The following NDST3 variants were observed in gnomAD, a reference collection of about 807,000 sequenced individuals.
NDST3 encodes the protein N-deacetylase and N-sulfotransferase 3.
Under a neutral mutation model 96.1 loss-of-function variants are expected in NDST3, and 58 were observed. The ratio of observed to expected loss-of-function variants is 0.60; its 90% CI spans 0.49 to 0.75. The LOEUF is 0.75. Among genes scored for constraint, NDST3 ranks in the 30% least tolerant of loss-of-function variants. The pLI is 0.00. For missense variants in NDST3, 788 were observed against 1,034.2 expected (o/e 0.76, Z 3.27); for synonymous variants, 333 against 359.7 (o/e 0.93, Z 0.84).
intron 2 of NDST3, among the ~76,000 whole-genome samples, chr4:118,099,494 G>C (rs956144942): frequency 3.3e-5 from 5 of 152,078 alleles, no homozygotes; most frequent in African/African-American, 1.2e-4. Flanking sequence ...TTCACATTTA[G>C]AATATGGGCA....
Position 118,234,244 on chromosome 4 carries a change from T to C in NDST3, c.1943+1109T>C, listed in dbSNP as rs985558362. ...CTGGGCAACATAGCAAGACCCCATC[T>C]CTAACAAAAATACAAGAATTAGCCA... On this transcript the variant is annotated intron_variant, in intron 9 of 13. Transcript: ENST00000296499. 3.9e-5 allele frequency among the ~76,000 whole-genome samples: 6 copies of C among 152,070 alleles called. No homozygotes were observed. In the East Asian group the frequency reaches 1.2e-3, roughly 29 times the overall value.
intron 3 of NDST3, among the ~76,000 whole-genome samples, chr4:118,109,123 T>A (rs1730438588): frequency 6.6e-6 from 1 of 152,208 alleles, no homozygotes; most frequent in African/African-American, 2.4e-5. Flanking sequence ...ACTTTCACAA[T>A]GGAGAGCTCC....
intron 6 of NDST3, among the ~76,000 whole-genome samples, chr4:118,215,878 T>C (rs889253407): frequency 6.6e-6 from 1 of 151,838 alleles, no homozygotes; most frequent in Non-Finnish European, 1.5e-5. Context: ...TTAGGGAAAG[T>C]AGGGAGAGTG....
At chr4:118,228,341 C>CTGA (rs1346735794) in intron 8 of NDST3, among the ~76,000 whole-genome samples, 1 of 152,190 alleles carries the variant, frequency 6.6e-6, no homozygotes, top group Non-Finnish European at 1.5e-5. Flanking sequence ...CTTGTCAAGA[C>CTGA]TGATAACATC....
chr4:118,192,084 C>A (rs1238230580), intron 6 of NDST3, among the ~76,000 whole-genome samples: 3 of 152,166 alleles, frequency 2.0e-5, no homozygotes, highest in Non-Finnish European at 4.4e-5. Flanking sequence ...TCTATACCTT[C>A]CTTTGAGAAA....
chr4:118,082,208 T>C (rs1728080916), intron 2 of NDST3, among the ~76,000 whole-genome samples: 1 of 152,140 alleles, frequency 6.6e-6, no homozygotes, highest in Non-Finnish European at 1.5e-5. Flanking sequence ...CTAAATTAAC[T>C]GTATCTTTTG....
chr4:118,203,261 G>T (rs1165794622), intron 6 of NDST3, among the ~76,000 whole-genome samples: 3 of 152,056 alleles, frequency 2.0e-5, no homozygotes, highest in Non-Finnish European at 4.4e-5. Flanking sequence ...GAGAGATATT[G>T]GTCTAAAGTT....
chr4:118,254,520 T>C (rs1741990888), intron 13 of NDST3, among the ~76,000 whole-genome samples: 1 of 152,154 alleles, frequency 6.6e-6, no homozygotes, highest in African/African-American at 2.4e-5. Context: ...CACTTAATGC[T>C]ACAGTTTTCT....
chr4:118,237,072 C>A lies in NDST3; in HGVS notation c.1970C>A (p.Ser657Tyr). ...DWYMDFFPVPSNVTTDFLFEK... is the reference protein window; with the variant it reads ...DWYMDFFPVPYNVTTDFLFEK... Reference sequence around the variant, plus strand: ...TATATGGATTTCTTCCCAGTCCCATCTAATGTCACTACCGACTTTTTGTTT... The same window carrying A: ...TATATGGATTTCTTCCCAGTCCCATATAATGTCACTACCGACTTTTTGTTT... Residue 657 changes from serine to tyrosine, a missense_variant, in exon 10 of 14, where the codon TCT (serine) becomes TAT (tyrosine). Ser to Tyr is a moderately radical substitution (Grantham distance 144, BLOSUM62 -2). Around this residue, in one of 3 missense-constraint regions of NDST3, gnomAD observed 490 missense variants for 708.8 expected, o/e 0.69. Coordinates refer to ENST00000296499, the MANE Select transcript of NDST3 (RefSeq NM_004784.3). 1 of 1,610,920 alleles carries A rather than the reference C, an allele frequency of 6.2e-7. No homozygotes were observed. Among genetic ancestry groups the A allele is most frequent in the East Asian group, 2.2e-5 (1 of 44,730 alleles).
chr4:118,043,830 G>A (rs537194786), intron 1 of NDST3, among the ~76,000 whole-genome samples: 1 of 152,294 alleles, frequency 6.6e-6, no homozygotes, highest in East Asian at 1.9e-4. Flanking sequence ...AGTGAGATGT[G>A]CAATTGAAAA....
At chr4:118,164,366 A>T (rs965735493) in intron 6 of NDST3, among the ~76,000 whole-genome samples, 17 of 152,252 alleles carry the variant, frequency 1.1e-4, no homozygotes, top group African/African-American at 4.1e-4. Context: ...AGGAGGGAGA[A>T]GAACAGAAAA....
At chr4:118,102,990 A>C (rs554412639) in intron 2 of NDST3, among the ~76,000 whole-genome samples, 13 of 152,260 alleles carry the variant, frequency 8.5e-5, no homozygotes, top group African/African-American at 3.1e-4. Flanking sequence ...TTAGTAACTT[A>C]AATCATTGTA....
At chr4:118,242,766 C>T (rs2126007888) in intron 12 of NDST3, among the ~76,000 whole-genome samples, 1 of 151,906 alleles carries the variant, frequency 6.6e-6, no homozygotes, top group South Asian at 2.1e-4. Flanking sequence ...TGCTGGTTTC[C>T]TCCGATTTTC....
chr4:118,152,361 T>C (rs1734455681), intron 6 of NDST3, among the ~76,000 whole-genome samples: 1 of 152,198 alleles, frequency 6.6e-6, no homozygotes, highest in African/African-American at 2.4e-5. Context: ...TCAAGTAATG[T>C]GGGACTCCAG....
intron 4 of NDST3, among the ~76,000 whole-genome samples, chr4:118,131,675 G>C (rs1732627532): frequency 6.6e-6 from 1 of 152,064 alleles, no homozygotes; most frequent in African/African-American, 2.4e-5. Context: ...CTGTGTCTGG[G>C]CATAGAATAG....
chr4:118,149,447 G>T (rs1455627509), intron 6 of NDST3, among the ~76,000 whole-genome samples: 1 of 146,386 alleles, frequency 6.8e-6, no homozygotes, highest in Non-Finnish European at 1.5e-5. Flanking sequence ...GTGGTTTGTA[G>T]TTCTCCTTGA....
intron 12 of NDST3, among the ~76,000 whole-genome samples, chr4:118,252,846 G>A (rs980450218): frequency 2.0e-5 from 3 of 152,244 alleles, no homozygotes; most frequent in Admixed American, 2.0e-4. Context: ...AGCCGAGATT[G>A]CGCCATTGCA....
intron 2 of NDST3, among the ~76,000 whole-genome samples, chr4:118,098,772 A>G (rs1729544739): frequency 6.6e-6 from 1 of 152,100 alleles, no homozygotes; most frequent in African/African-American, 2.4e-5. Flanking sequence ...TAGAAAAAAT[A>G]CCAAGAAGGG....
chr4:118,122,889 G>A (rs914293053), intron 4 of NDST3, among the ~76,000 whole-genome samples: 9 of 152,286 alleles, frequency 5.9e-5, no homozygotes, highest in Admixed American at 2.6e-4. Context: ...GCAAGGCTTA[G>A]AGAGCTTATA....
Sources: gnomAD v4.1 joint callset for allele counts (sites outside exome capture counted in the v4.1 genomes callset) on GRCh38, gnomAD v4.1.1 for gene constraint, gnomAD v4.1.1 regional missense constraint, MANE v1.5 for transcripts, NCBI Gene and HGNC (gene_info 2026-07-23, HGNC 2026-07-21) for gene names.